Variants in ARFIP1 observed in about 807,000 individuals in gnomAD.
ARFIP1 encodes the protein ARF interacting protein 1.
In ARFIP1, 24 loss-of-function variants were observed where a neutral mutation model predicts 42.5. That is an observed-to-expected ratio of 0.57 (90% CI 0.41 to 0.80). ARFIP1 has a LOEUF of 0.80. Ranked by LOEUF, ARFIP1 falls within the 30% of genes least tolerant of loss-of-function variation. The probability of loss-of-function intolerance (pLI) is 0.00; values close to 1 mark genes in which losing one functional copy is unlikely to be tolerated. For synonymous variants in ARFIP1, 141 were observed against 153.7 expected (o/e 0.92, Z 0.61); for missense variants, 354 against 434.0 (o/e 0.82, Z 1.64).
chr4:152,904,200 T>A (rs199933242), intron 8 of ARFIP1, among the ~76,000 whole-genome samples: 2,486 of 65,848 alleles, frequency 0.038, 20 homozygotes, highest in East Asian at 0.1. Flanking sequence ...ATATATATAT[T>A]TTTTTTTTTT....
chr4:152,883,428 C>G (rs1434374350), intron 7 of ARFIP1: 1 of 152,072 alleles, frequency 6.6e-6, no homozygotes, highest in South Asian at 2.1e-4. Flanking sequence ...AATAAATAAG[C>G]TCATTTTGCC....
Position 152,912,131 on chromosome 4 carries a change from A to G in ARFIP1, c.*1912A>G, listed in dbSNP as rs1300347854. On this transcript the variant is annotated 3_prime_UTR_variant, in exon 9 of 9. Coordinates refer to ENST00000353617, the MANE Select transcript of ARFIP1 (RefSeq NM_001025595.3). Reference sequence around the variant, plus strand: ...ACAGTTACTGTAGCTAAGGAGCTAAATAGTTTCATGGATTAATTTTTTTCA... The same window carrying G: ...ACAGTTACTGTAGCTAAGGAGCTAAGTAGTTTCATGGATTAATTTTTTTCA... 2 of 152,198 alleles carry G rather than the reference A, an allele frequency of 1.3e-5. No homozygotes were observed. Among genetic ancestry groups the G allele is most frequent in the African/African-American group, 2.4e-5 (1 of 41,458 alleles). 9.4% of individuals were successfully genotyped at this position (152,198 alleles called of 1,614,324 possible). A position where few individuals can be genotyped will look rare whatever the true frequency, so the allele number is the denominator to read the frequency against.
intron 8 of ARFIP1, among the ~76,000 whole-genome samples, chr4:152,909,636 T>A (rs2149918805): frequency 6.6e-6 from 1 of 152,336 alleles, no homozygotes; most frequent in South Asian, 2.1e-4. Context: ...TTTAAAAGTA[T>A]CCAGCCTACT....
chr4:152,840,197 G>A (rs543793977), intron 2 of ARFIP1, among the ~76,000 whole-genome samples: 16 of 152,264 alleles, frequency 1.1e-4, no homozygotes, highest in East Asian at 5.8e-4. Flanking sequence ...AAATTTCCAC[G>A]CGCTGTTGAA....
At chr4:152,881,644 A>T (rs576135604) in intron 6 of ARFIP1, among the ~76,000 whole-genome samples, 2 of 152,152 alleles carry the variant, frequency 1.3e-5, no homozygotes, top group African/African-American at 2.4e-5. Context: ...TTTTACATGC[A>T]TTGATTGGTA....
At chr4:152,787,947 C>T (rs28574676) in intron 1 of ARFIP1, among the ~76,000 whole-genome samples, 34,576 of 152,212 alleles carry the variant, frequency 0.23, 4,961 homozygotes, top group African/African-American at 0.41. Flanking sequence ...ATTATTAGGC[C>T]GGGCACAGTG....
chr4:152,849,191 A>G (rs1249095039), intron 2 of ARFIP1, among the ~76,000 whole-genome samples: 1 of 152,220 alleles, frequency 6.6e-6, no homozygotes. Context: ...AATACAATTC[A>G]TAATGAAAGG....
At chr4:152,827,887 C>T (rs142455039) in intron 1 of ARFIP1, among the ~76,000 whole-genome samples, 1 of 152,238 alleles carries the variant, frequency 6.6e-6, no homozygotes, top group East Asian at 1.9e-4. Flanking sequence ...GTTCCCCAGG[C>T]TAGTCTCAAA....
intron 1 of ARFIP1, among the ~76,000 whole-genome samples, chr4:152,811,303 T>C (rs1252111140): frequency 6.6e-6 from 1 of 152,148 alleles, no homozygotes; most frequent in Non-Finnish European, 1.5e-5. Flanking sequence ...GATTAAGTAA[T>C]GAAGATCAGA....
intron 2 of ARFIP1, among the ~76,000 whole-genome samples, chr4:152,855,311 T>C (rs1733336626): frequency 6.6e-6 from 1 of 151,920 alleles, no homozygotes; most frequent in Non-Finnish European, 1.5e-5. Context: ...TGGGTAGGCA[T>C]GTCCTCAGGC....
At chr4:152,829,208 G>A (rs1442448687) in intron 1 of ARFIP1, among the ~76,000 whole-genome samples, 2 of 152,136 alleles carry the variant, frequency 1.3e-5, no homozygotes, top group Non-Finnish European at 2.9e-5. Context: ...TTAAGCTAGT[G>A]ATCTGTTACC....
intron 3 of ARFIP1, among the ~76,000 whole-genome samples, chr4:152,869,492 C>T (rs187602753): frequency 2.9e-4 from 44 of 150,646 alleles, no homozygotes; most frequent in Middle Eastern, 3.4e-3. Flanking sequence ...CTTTGTCACT[C>T]AGGTTGGAGT....
intron 1 of ARFIP1, among the ~76,000 whole-genome samples, chr4:152,810,580 G>A (rs547060101): frequency 3.9e-5 from 6 of 152,002 alleles, no homozygotes; most frequent in African/African-American, 7.2e-5. Flanking sequence ...AGGCTGAGGC[G>A]GGTGGATCAT....
chr4:152,828,177 G>A (rs1480633091), intron 1 of ARFIP1, among the ~76,000 whole-genome samples: 1 of 152,206 alleles, frequency 6.6e-6, no homozygotes, highest in African/African-American at 2.4e-5. Flanking sequence ...ACATCTGTGT[G>A]TAAATTTTTC....
At chr4:152,839,754 A>AT (rs1402123549) in intron 2 of ARFIP1, among the ~76,000 whole-genome samples, 5 of 151,490 alleles carry the variant, frequency 3.3e-5, no homozygotes, top group African/African-American at 7.3e-5. Context: ...TATCATTTGT[A>AT]TTTTTTTGTT....
intron 1 of ARFIP1, among the ~76,000 whole-genome samples, chr4:152,824,139 C>G (rs1730619264): frequency 6.6e-6 from 1 of 151,794 alleles, no homozygotes; most frequent in African/African-American, 2.4e-5. Flanking sequence ...ATGGTGAAAC[C>G]CCCTCTCTAC....
At chr4:152,826,443 G>T (rs1445059454) in intron 1 of ARFIP1, among the ~76,000 whole-genome samples, 1 of 152,122 alleles carries the variant, frequency 6.6e-6, no homozygotes, top group Non-Finnish European at 1.5e-5. Flanking sequence ...GCCACACAGA[G>T]TGGCATAATG....
At chr4:152,873,970 A>C (rs1251248854) in intron 5 of ARFIP1, among the ~76,000 whole-genome samples, 2 of 152,182 alleles carry the variant, frequency 1.3e-5, no homozygotes, top group African/African-American at 4.8e-5. Flanking sequence ...TACTTCTGTA[A>C]CTTTGTTCAT....
chr4:152,819,524 T>A (rs1730187394), intron 1 of ARFIP1, among the ~76,000 whole-genome samples: 1 of 152,138 alleles, frequency 6.6e-6, no homozygotes, highest in African/African-American at 2.4e-5. Context: ...AGCACCAGCC[T>A]GGAGTATGGC....
Sources: allele counts gnomAD v4.1 joint callset (sites outside exome capture counted in the v4.1 genomes callset), GRCh38; gene constraint gnomAD v4.1.1; transcripts MANE v1.5; gene names NCBI Gene and HGNC (gene_info 2026-07-23, HGNC 2026-07-21).